Variants in USP24 observed in about 807,000 individuals in gnomAD.
USP24 encodes ubiquitin carboxyl-terminal hydrolase 24.
A neutral mutation model predicts 361.6 loss-of-function variants in USP24; 97 were observed. The ratio of observed to expected loss-of-function variants is 0.27; its 90% CI spans 0.23 to 0.32. The LOEUF is 0.32. Among genes scored for constraint, USP24 ranks in the 10% least tolerant of loss-of-function variants. The pLI is 1.00. For synonymous variants in USP24, 1,098 were observed against 1,124.6 expected, an observed-to-expected ratio of 0.98 and a Z score of 0.47; for missense variants, 2,353 against 3,165.6, an observed-to-expected ratio of 0.74 and a Z score of 6.16.
intron 3 of USP24, among the ~76,000 whole-genome samples, chr1:55,173,255 A>G (rs1185103328): frequency 2.0e-5 from 3 of 151,850 alleles, no homozygotes; most frequent in African/African-American, 4.8e-5. Context: ...ACAAAATAAT[A>G]TTTTTTTTTA....
intron 5 of USP24, 84 bp downstream of exon 5, chr1:55,171,472 A>C (rs1168240606): frequency 2.7e-6 from 4 of 1,462,226 alleles, no homozygotes; most frequent in African/African-American, 1.4e-5. Context: ...TAATCCTCCC[A>C]TGTAACTTGT....
chr1:55,158,622 T>G (rs1045585056), intron 10 of USP24, among the ~76,000 whole-genome samples: 1 of 152,220 alleles, frequency 6.6e-6, no homozygotes, highest in African/African-American at 2.4e-5. Flanking sequence ...AAACTGTATA[T>G]TCTAAGGGAT....
At chr1:55,115,294 G>C (rs962230936) in intron 38 of USP24, among the ~76,000 whole-genome samples, 1 of 151,840 alleles carries the variant, frequency 6.6e-6, no homozygotes, top group African/African-American at 2.4e-5. Context: ...CGAGGCGGGC[G>C]AATCACGAGG....
chr1:55,100,718 T>A, intron 44 of USP24, 121 bp downstream of exon 44: 1 of 1,094,294 alleles, frequency 9.1e-7, no homozygotes, highest in South Asian at 2.7e-5. Context: ...CAAATCCTTT[T>A]ACAGTTTCTT....
chr1:55,120,667 A>T lies in USP24; in HGVS notation c.4437T>A (p.Leu1479=). The T allele has an allele frequency of 6.4e-7, 1 of 1,564,544 alleles. No individual in the cohort carries two copies. The part of the protein sequence containing the change: ...HPDVQKPNQF[L]LGVILTAQLP... ...GCTGAGCCGTGAGGATTACGCCTAG[A>T]AGAAACTGATTTGGCTTCTGCACAT... The change falls in exon 38 of 68, where the codon CTT becomes CTA. Residue 1479 remains leucine, a synonymous_variant. Coordinates refer to ENST00000294383, the MANE Select transcript of USP24 (RefSeq NM_015306.3).
At chr1:55,082,301 A>T (rs1645164289) in intron 58 of USP24, among the ~76,000 whole-genome samples, 1 of 152,242 alleles carries the variant, frequency 6.6e-6, no homozygotes, top group African/African-American at 2.4e-5. Context: ...ATGGGGATGA[A>T]GCTGCTTAAT....
chr1:55,074,839 GA>G (rs1448294046), intron 63 of USP24, among the ~76,000 whole-genome samples: 1 of 151,978 alleles, frequency 6.6e-6, no homozygotes, highest in Non-Finnish European at 1.5e-5. Flanking sequence ...TTCTACAACA[GA>G]AAAAGGCCCT....
Position 55,144,165 on chromosome 1 carries a change from G to C in USP24, c.2401C>G (p.Leu801Val). 6.2e-7 allele frequency: 1 copy of C among 1,606,538 alleles called. No individual in the cohort carries two copies. The highest frequency in any genetic ancestry group is 1.1e-5 in the South Asian group (1 of 89,228). The change falls in exon 21 of 68, where the codon CTT (leucine) becomes GTT (valine). Residue 801 changes from leucine (L) to valine (V), a missense_variant. Physicochemically the swap from Leu to Val is conservative, Grantham distance 32. This residue lies in a region of USP24 where 949 missense variants were observed against 1,280.5 expected (regional missense o/e 0.74). Transcript: ENST00000294383. ...TGTCTTTTCAATCGATGATCACAAA[G>C]ATTCACATTTTCAAAAAAAGTTTTA... is the stretch of plus-strand genomic sequence containing the variant. ...LFKTFFENVNLCDHRLKRQGA... is the reference protein window; with the variant it reads ...LFKTFFENVNVCDHRLKRQGA...
intron 51 of USP24, 63 bp downstream of exon 51, chr1:55,095,192 T>C (rs1252292308): frequency 1.3e-6 from 2 of 1,523,642 alleles, no homozygotes; most frequent in Non-Finnish European, 1.8e-6. Flanking sequence ...AAATAGTATA[T>C]TGTCACAGAC....
intron 9 of USP24, 116 bp downstream of exon 9, chr1:55,159,495 T>C (rs1570575130): frequency 2.5e-6 from 2 of 809,426 alleles, no homozygotes; most frequent in East Asian, 2.7e-5. Context: ...GTTAATTCGA[T>C]GTGAATGCAT....
rs533166816 is a variant in USP24 at position 55,078,519 on chromosome 1, C to A, written c.7314+19G>T. The A allele has an allele frequency of 1.3e-6, 2 of 1,590,596 alleles. No individual in the cohort carries two copies. Among genetic ancestry groups the A allele is most frequent in the East Asian group, 2.3e-5 (1 of 44,208 alleles). ...ACTTAAAGGCTATCTGGCTATCACT[C>A]GTTTAACTGAGGTCTTACCTTAATG... On this transcript the variant is annotated intron_variant, in intron 61 of 67. Transcript: ENST00000294383.
At chr1:55,148,397 G>A in intron 17 of USP24, 66 bp downstream of exon 17, 1 of 1,218,596 alleles carries the variant, frequency 8.2e-7, no homozygotes, top group Non-Finnish European at 1.2e-6. Context: ...AGCAATTTTA[G>A]CCATGTTTTG....
intron 1 of USP24, among the ~76,000 whole-genome samples, chr1:55,180,857 C>A (rs1197173609): frequency 6.6e-6 from 1 of 152,150 alleles, no homozygotes. Context: ...CTATTTTTGA[C>A]CACCTCTGTA....
intron 8 of USP24, 94 bp from the exon 9 acceptor site, chr1:55,159,779 G>A: frequency 8.4e-7 from 1 of 1,190,468 alleles, no homozygotes; most frequent in East Asian, 2.6e-5. Flanking sequence ...AAAGGAGAAG[G>A]TGCAATGAAA....
At position 55,171,566 on chromosome 1, in the gene USP24, G is replaced by C. The variant is rs771268064; in HGVS notation, c.815C>G (p.Thr272Ser). 1.2e-6 allele frequency: 2 copies of C among 1,610,048 alleles called. No homozygotes were observed. Among genetic ancestry groups the C allele is most frequent in the South Asian group, 2.2e-5 (2 of 90,260 alleles). Residue 272 changes from threonine (T) to serine (S), a missense_variant, in exon 5 of 68, where the codon ACT becomes AGT. Thr to Ser is a moderately conservative substitution (Grantham distance 58). This residue lies in a region of USP24 where 386 missense variants were observed against 560.5 expected (regional missense o/e 0.69). Transcript: ENST00000294383. ...CTAAATGATGTTTACCTTTTGGAAAGTCGATACAGGTGAAACAGCAAACAT... is the reference window on the plus strand; with the variant it reads ...CTAAATGATGTTTACCTTTTGGAAACTCGATACAGGTGAAACAGCAAACAT... ...GNMFAVSPVS[T>S]FQKEPHGWVV...
At chr1:55,125,627 A>G in intron 33 of USP24, 36 bp downstream of exon 33, 1 of 1,577,808 alleles carries the variant, frequency 6.3e-7, no homozygotes, top group Non-Finnish European at 8.6e-7. Context: ...AAAGTCAAGT[A>G]TTGCCTGGTA....
intron 8 of USP24, 108 bp from the exon 9 acceptor site, chr1:55,159,793 TAAAA>T: frequency 9.4e-7 from 1 of 1,066,206 alleles, no homozygotes; most frequent in Non-Finnish European, 1.4e-6. Context: ...AATGAAAAGA[TAAAA>T]ATTTTCATAT....
At chr1:55,106,594 T>C (rs766243615) in intron 40 of USP24, among the ~76,000 whole-genome samples, 1 of 152,230 alleles carries the variant, frequency 6.6e-6, no homozygotes, top group Non-Finnish European at 1.5e-5. Flanking sequence ...GTTCTTACTC[T>C]GGGCATAGGG....
intron 43 of USP24, 21 bp from the exon 44 acceptor site, chr1:55,100,985 T>A (rs764989022): frequency 6.2e-7 from 1 of 1,604,264 alleles, no homozygotes; most frequent in African/African-American, 1.3e-5. Context: ...AAGAAACATA[T>A]CAAGCTTGAA....
Sources: allele counts gnomAD v4.1 joint callset (sites outside exome capture counted in the v4.1 genomes callset), GRCh38; gene constraint gnomAD v4.1.1; regional missense constraint gnomAD v4.1.1; transcripts MANE v1.5; gene names NCBI Gene and HGNC (gene_info 2026-07-23, HGNC 2026-07-21).